The following EIF3E variants were observed in gnomAD, a reference collection of about 807,000 sequenced individuals.
EIF3E encodes eukaryotic translation initiation factor 3 subunit E.
In EIF3E, 25 loss-of-function variants were observed where a neutral mutation model predicts 59.3. The ratio of observed to expected loss-of-function variants is 0.42; its 90% CI spans 0.31 to 0.59. The LOEUF (loss-of-function observed/expected upper bound fraction) is 0.59. EIF3E is among the 20% of genes least tolerant of loss of function. The pLI is 0.15. For missense variants in EIF3E, 317 were observed against 534.3 expected, an observed-to-expected ratio of 0.59 and a Z score of 4.01; for synonymous variants, 176 against 170.2, an observed-to-expected ratio of 1.03 and a Z score of -0.26.
chr8:108,242,056 A>AATGGCAAGCAAT lies in EIF3E; in HGVS notation c.91-155_91-144dup. ...ACCATTAACATTCCCCTCTTGTAAT[A>AATGGCAAGCAAT]ATGGCAAGCAATATGGCAAGCAACC... On this transcript the variant is annotated intron_variant, in intron 1 of 12. Transcript: ENST00000220849. 4 of 1,288,580 alleles carry AATGGCAAGCAAT rather than the reference A, an allele frequency of 3.1e-6. No individual in the cohort carries two copies. In the South Asian group the frequency reaches 5.9e-5, roughly 19 times the overall value. The allele number at this position is 1,288,580 out of a possible 1,614,324, so 79.8% of individuals were successfully genotyped here. A position where few individuals can be genotyped will look rare whatever the true frequency, so the allele number is the denominator to read the frequency against.
At chr8:108,207,426 A>G (rs1465457501) in intron 10 of EIF3E, among the ~76,000 whole-genome samples, 1 of 152,222 alleles carries the variant, frequency 6.6e-6, no homozygotes, top group East Asian at 1.9e-4. Flanking sequence ...GTGGCTAGGG[A>G]GAAATAAAAC....
At chr8:108,214,552 G>A in intron 10 of EIF3E, 55 bp downstream of exon 10, 6 of 1,321,256 alleles carry the variant, frequency 4.5e-6, no homozygotes, top group South Asian at 1.6e-5. Flanking sequence ...ACAATAAATG[G>A]AAATTTCCAG....
intron 10 of EIF3E, among the ~76,000 whole-genome samples, chr8:108,206,171 T>C (rs1481616865): frequency 1.3e-5 from 2 of 152,130 alleles, no homozygotes; most frequent in Non-Finnish European, 2.9e-5. Context: ...TGTTAGATGC[T>C]ACTGGCAAAA....
intron 7 of EIF3E, among the ~76,000 whole-genome samples, chr8:108,226,897 A>G (rs1464227102): frequency 1.3e-5 from 2 of 152,384 alleles, no homozygotes; most frequent in East Asian, 3.9e-4. Context: ...CCAAGTATAT[A>G]GTATTTCCTA....
intron 5 of EIF3E, among the ~76,000 whole-genome samples, chr8:108,232,692 T>C (rs1815646307): frequency 6.6e-6 from 1 of 152,200 alleles, no homozygotes; most frequent in South Asian, 2.1e-4. Context: ...AGTTTTTTAA[T>C]CCTCAAAAGG....
At chr8:108,226,476 GT>G (rs1815519107) in intron 7 of EIF3E, among the ~76,000 whole-genome samples, 1 of 152,154 alleles carries the variant, frequency 6.6e-6, no homozygotes, top group South Asian at 2.1e-4. Flanking sequence ...AATTACAGGC[GT>G]AAGCCACTGC....
chr8:108,202,011 T>C, intron 12 of EIF3E, 88 bp from the exon 13 acceptor site: 3 of 1,253,286 alleles, frequency 2.4e-6, no homozygotes, highest in Non-Finnish European at 3.3e-6. Context: ...CAGCATTTAC[T>C]TCAGCACTAT....
Position 108,217,392 on chromosome 8 carries a change from T to C in EIF3E, c.791A>G (p.Asn264Ser), listed in dbSNP as rs752391580. The C allele has an allele frequency of 5.6e-6, 9 of 1,602,386 alleles. No individual in the cohort carries two copies. The highest frequency in any genetic ancestry group is 6.8e-6 in the Non-Finnish European group (8 of 1,174,452). ...CTGCCGACGTTTTCGAACATCCTTG[T>C]TTGTTATGACTGCTGTAGTCAAATA... ...LRYLTTAVIT[N>S]KDVRKRRQVL... Residue 264 changes from asparagine to serine, a missense_variant, in exon 8 of 13, where the codon AAC (asparagine) becomes AGC (serine). Transcript: ENST00000220849.
At chr8:108,247,974 A>G (rs1815979223) in intron 1 of EIF3E, among the ~76,000 whole-genome samples, 2 of 140,152 alleles carry the variant, frequency 1.4e-5, no homozygotes, top group South Asian at 4.6e-4. Flanking sequence ...ACATGAAGTC[A>G]GTACAATATA....
Position 108,228,262 on chromosome 8 carries a change from C to T in EIF3E, c.722+5G>A. The T allele has an allele frequency of 6.3e-7, 1 of 1,584,052 alleles. No homozygotes were observed. Among genetic ancestry groups the T allele is most frequent in the Non-Finnish European group, 8.6e-7 (1 of 1,166,970 alleles). On this transcript the variant is annotated splice_donor_5th_base_variant and intron_variant, in intron 7 of 12. Coordinates refer to ENST00000220849, the MANE Select transcript of EIF3E (RefSeq NM_001568.3). Reference sequence around the variant, plus strand: ...AAGCCAAAATTACACAGTGAAATAACTTACTGTGGCTGATAAAGGAAGAGG... The same window carrying T: ...AAGCCAAAATTACACAGTGAAATAATTTACTGTGGCTGATAAAGGAAGAGG...
chr8:108,240,643 C>G (rs1188769679), intron 2 of EIF3E, among the ~76,000 whole-genome samples: 1 of 152,166 alleles, frequency 6.6e-6, no homozygotes, highest in African/African-American at 2.4e-5. Context: ...GTGGAGAAAA[C>G]TTGCACATAA....
At chr8:108,237,900 A>C (rs1051032859) in intron 3 of EIF3E, among the ~76,000 whole-genome samples, 31 of 152,240 alleles carry the variant, frequency 2.0e-4, no homozygotes, top group Non-Finnish European at 2.9e-4. Context: ...GAATTGTCAG[A>C]AAAAGGTTTT....
At chr8:108,222,315 G>A (rs2129879810) in intron 7 of EIF3E, among the ~76,000 whole-genome samples, 1 of 152,284 alleles carries the variant, frequency 6.6e-6, no homozygotes, top group East Asian at 1.9e-4. Context: ...AAGTAGCTGG[G>A]ATTACAGGGA....
intron 4 of EIF3E, 23 bp downstream of exon 4, chr8:108,236,138 T>C (rs1396495500): frequency 1.9e-6 from 3 of 1,600,736 alleles, no homozygotes; most frequent in South Asian, 2.3e-5. Flanking sequence ...ATGACAACTT[T>C]AAAATATTTT....
rs142664729 is a variant in EIF3E at position 108,225,058 on chromosome 8, C to T, written c.722+3209G>A. 2.2e-3 allele frequency among the ~76,000 whole-genome samples: 333 copies of T among 151,656 alleles called. 2 individuals are homozygous for T. Among genetic ancestry groups the T allele is most frequent in the Middle Eastern group, 3.4e-3 (1 of 292 alleles). ...CTGCTGTATACACACTTCACTGTCA[C>T]GGCTGTCCTTAAGGAAAAGCACTTG... On this transcript the variant is annotated intron_variant, in intron 7 of 12. Transcript: ENST00000220849.
At chr8:108,222,867 T>C (rs1004700736) in intron 7 of EIF3E, among the ~76,000 whole-genome samples, 1 of 151,560 alleles carries the variant, frequency 6.6e-6, no homozygotes, top group Non-Finnish European at 1.5e-5. Context: ...AGACTCAGTA[T>C]TTGTGCTATG....
chr8:108,205,856 TTG>T (rs1239879842), intron 10 of EIF3E, among the ~76,000 whole-genome samples: 2 of 152,208 alleles, frequency 1.3e-5, no homozygotes, highest in Non-Finnish European at 2.9e-5. Context: ...CTATTTATTA[TTG>T]TTGTTGTTAA....
chr8:108,229,231 ACT>A (rs758858881), intron 5 of EIF3E, 36 bp from the exon 6 acceptor site: 1 of 1,599,718 alleles, frequency 6.3e-7, no homozygotes, highest in South Asian at 1.1e-5. Context: ...TATTGTGAAT[ACT>A]CTTGAAAAAT....
chr8:108,202,882 AAAAC>A (rs1349288170), intron 12 of EIF3E, 97 bp downstream of exon 12: 2 of 1,342,806 alleles, frequency 1.5e-6, no homozygotes, highest in Non-Finnish European at 2.0e-6. Context: ...TTTAAAGAGA[AAAAC>A]AAAATCAGCT....
Sources: allele counts gnomAD v4.1 joint callset (sites outside exome capture counted in the v4.1 genomes callset), GRCh38; gene constraint gnomAD v4.1.1; transcripts MANE v1.5; gene names NCBI Gene and HGNC (gene_info 2026-07-23, HGNC 2026-07-21).